Variants in ANO1 observed in about 807,000 individuals in gnomAD.
ANO1 encodes the protein anoctamin 1.
In ANO1, 59 loss-of-function variants were observed where a neutral mutation model predicts 124.0. The observed-to-expected ratio is 0.48, with a 90% CI of 0.39 to 0.59. The LOEUF (loss-of-function observed/expected upper bound fraction) is 0.59, where lower values mean the gene tolerates loss of function less well. Ranked by LOEUF, ANO1 falls within the 20% of genes least tolerant of loss-of-function variation. The pLI is 0.00. For missense variants in ANO1, 1,059 were observed against 1,328.0 expected (o/e 0.80, Z 3.15); for synonymous variants, 529 against 532.0 (o/e 0.99, Z 0.08).
chr11:70,161,699 A>T lies in ANO1; in HGVS notation c.1858A>T (p.Thr620Ser). 1 of 1,613,532 alleles carries T rather than the reference A, an allele frequency of 6.2e-7. No homozygotes were observed. Among genetic ancestry groups the T allele is most frequent in the Non-Finnish European group, 8.5e-7 (1 of 1,179,776 alleles). The change falls in exon 18 of 26, where the codon ACC (threonine) becomes TCC (serine). Residue 620 changes from threonine to serine, a missense_variant. Physicochemically the swap from Thr to Ser is moderately conservative, Grantham distance 58 (BLOSUM62 1). Transcript: ENST00000355303. ...CCTGCTGAAGTTTGTGAATTCCTAC[A>T]CCCCCATCTTTTACGTGGCGTTCTT... ...AFLLKFVNSY[T>S]PIFYVAFFKG...
intron 1 of ANO1, among the ~76,000 whole-genome samples, chr11:70,009,408 C>A (rs937685888): frequency 6.6e-6 from 1 of 152,136 alleles, no homozygotes; most frequent in African/African-American, 2.4e-5. Flanking sequence ...TCACCTGGGG[C>A]CTCTGACATC....
intron 4 of ANO1, among the ~76,000 whole-genome samples, chr11:70,104,436 C>T (rs1029679014): frequency 3.9e-5 from 6 of 152,168 alleles, no homozygotes; most frequent in Admixed American, 6.5e-5. Context: ...CCTTCCCACC[C>T]GCTCCGCACC....
chr11:70,108,097 C>T (rs919667865), intron 5 of ANO1: 3 of 459,608 alleles, frequency 6.5e-6, no homozygotes, highest in Non-Finnish European at 1.2e-5. Flanking sequence ...CCATGACTCC[C>T]ACGTTGGGAG....
intron 11 of ANO1, among the ~76,000 whole-genome samples, chr11:70,139,130 G>A (rs1458073386): frequency 6.6e-6 from 1 of 152,166 alleles, no homozygotes; most frequent in Non-Finnish European, 1.5e-5. Context: ...TGACTGCGTA[G>A]TGTTCCCTGG....
At chr11:70,175,620 C>T (rs2048664431) in intron 22 of ANO1, among the ~76,000 whole-genome samples, 1 of 152,252 alleles carries the variant, frequency 6.6e-6, no homozygotes, top group African/African-American at 2.4e-5. Context: ...CCTGGTTCTT[C>T]AGAGCCTGCT....
At chr11:70,121,129 C>G (rs895828931) in intron 8 of ANO1, among the ~76,000 whole-genome samples, 1 of 152,110 alleles carries the variant, frequency 6.6e-6, no homozygotes, top group African/African-American at 2.4e-5. Flanking sequence ...CCTCCTCCCC[C>G]GGTGCAGAGC....
chr11:69,987,294 T>C (rs1159723399), intron 1 of ANO1, among the ~76,000 whole-genome samples: 2 of 152,196 alleles, frequency 1.3e-5, no homozygotes, highest in Non-Finnish European at 2.9e-5. Flanking sequence ...AAATGATCCG[T>C]TCTGTGATCC....
At chr11:69,973,602 G>C in the ANO1 span, among the ~76,000 whole-genome samples, 231 of 152,172 alleles carry the variant, frequency 1.5e-3, no homozygotes, top group Non-Finnish European at 2.7e-3. Flanking sequence ...AGCCGGGCGC[G>C]GTGGCTCATG....
intron 13 of ANO1, 144 bp downstream of exon 13, chr11:70,152,605 G>GT: frequency 1.0e-6 from 1 of 982,626 alleles, no homozygotes; most frequent in East Asian, 2.6e-5. Flanking sequence ...CCCCACCTCC[G>GT]GTCTCTCCTA....
the ANO1 span, among the ~76,000 whole-genome samples, chr11:69,978,111 C>G: frequency 5.9e-5 from 9 of 152,160 alleles, no homozygotes; most frequent in African/African-American, 2.2e-4. Context: ...AGGCCGGGAC[C>G]CTGGGGACAA....
intron 1 of ANO1, among the ~76,000 whole-genome samples, chr11:70,053,912 T>C (rs1231948580): frequency 2.0e-5 from 3 of 152,324 alleles, no homozygotes; most frequent in Non-Finnish European, 4.4e-5. Flanking sequence ...TGTTGGGAAG[T>C]GGTGCTTTTC....
chr11:70,023,353 A>G (rs1555002817), intron 1 of ANO1, among the ~76,000 whole-genome samples: 1 of 152,184 alleles, frequency 6.6e-6, no homozygotes, highest in Non-Finnish European at 1.5e-5. Flanking sequence ...TGCCCTCCAG[A>G]GCTCGCCATT....
At chr11:70,165,645 G>A in intron 20 of ANO1, 75 bp downstream of exon 20, 1 of 1,261,270 alleles carries the variant, frequency 7.9e-7, no homozygotes, top group East Asian at 2.5e-5. Context: ...TCCTGCGGGG[G>A]TCTGGGTGGA....
At chr11:69,987,409 G>T (rs369470140) in intron 1 of ANO1, among the ~76,000 whole-genome samples, 2 of 152,160 alleles carry the variant, frequency 1.3e-5, no homozygotes, top group South Asian at 2.1e-4. Flanking sequence ...CTGTAAAGGG[G>T]TGTATAATCC....
chr11:70,050,199 T>C (rs377384518), intron 1 of ANO1, among the ~76,000 whole-genome samples: 1 of 152,158 alleles, frequency 6.6e-6, no homozygotes, highest in African/African-American at 2.4e-5. Context: ...GCAAGATACA[T>C]AATGACAAAA....
chr11:70,052,338 T>A (rs1393842191), intron 1 of ANO1, among the ~76,000 whole-genome samples: 1 of 152,176 alleles, frequency 6.6e-6, no homozygotes, highest in Non-Finnish European at 1.5e-5. Flanking sequence ...AGATAATATA[T>A]GTCCTCTGAC....
At chr11:70,097,278 G>T (rs2045026800) in intron 2 of ANO1, among the ~76,000 whole-genome samples, 1 of 152,154 alleles carries the variant, frequency 6.6e-6, no homozygotes, top group Non-Finnish European at 1.5e-5. Flanking sequence ...GCATTCCTTG[G>T]GTCCTCAGCT....
At chr11:70,011,759 T>C (rs1249396685) in intron 1 of ANO1, among the ~76,000 whole-genome samples, 1 of 150,994 alleles carries the variant, frequency 6.6e-6, no homozygotes, top group African/African-American at 2.5e-5. Flanking sequence ...TGCAGAGTGC[T>C]GAGTGTTGAC....
At chr11:69,982,549 C>T (rs1855968408), upstream of ANO1, among the ~76,000 whole-genome samples, 1 of 152,254 alleles carries the variant, frequency 6.6e-6, no homozygotes, top group South Asian at 2.1e-4. Flanking sequence ...ATCCCTACAG[C>T]ATGTCAGGTT....
Sources: allele counts gnomAD v4.1 joint callset (sites outside exome capture counted in the v4.1 genomes callset), GRCh38; gene constraint gnomAD v4.1.1; transcripts MANE v1.5; gene names NCBI Gene and HGNC (gene_info 2026-07-23, HGNC 2026-07-21).